Variants in LIMK1 observed in about 807,000 individuals in gnomAD.
LIMK1 encodes LIM motif-containing protein kinase.
In LIMK1, 21 loss-of-function variants were observed where a neutral mutation model predicts 77.6. The ratio of observed to expected loss-of-function variants is 0.27; its 90% CI spans 0.19 to 0.39. The LOEUF (loss-of-function observed/expected upper bound fraction) is 0.39. Ranked by LOEUF, LIMK1 falls within the 10% of genes least tolerant of loss-of-function variation. The pLI, the probability that LIMK1 is intolerant of heterozygous loss-of-function variation, is 1.00. For synonymous variants in LIMK1, 358 were observed against 370.0 expected (o/e 0.97, Z 0.37); for missense variants, 696 against 901.6 (o/e 0.77, Z 2.92).
At chr7:74,106,605 C>G (rs1326700431) in intron 7 of LIMK1, among the ~76,000 whole-genome samples, 1 of 152,052 alleles carries the variant, frequency 6.6e-6, no homozygotes, top group Admixed American at 6.6e-5. Context: ...ACTGAAAATA[C>G]AAAAATTAGC....
intron 5 of LIMK1, among the ~76,000 whole-genome samples, chr7:74,105,513 CAAAAAAA>C (rs201143839): frequency 5.3e-5 from 5 of 93,664 alleles, no homozygotes; most frequent in Admixed American, 1.2e-4. Flanking sequence ...ATTCTGTCTC[CAAAAAAA>C]AAAAAAAAAA....
At chr7:74,093,512 G>T (rs1175219673) in intron 2 of LIMK1, among the ~76,000 whole-genome samples, 1 of 152,192 alleles carries the variant, frequency 6.6e-6, no homozygotes, top group Non-Finnish European at 1.5e-5. Context: ...TCCACCTGCT[G>T]TTTCTTCACA....
chr7:74,084,042 G>C lies in LIMK1; in HGVS notation c.52G>C (p.Glu18Gln). The change falls in exon 1 of 16, where the codon GAA becomes CAA. Residue 18 changes from glutamate (E) to glutamine (Q), a missense_variant. Glu to Gln is a conservative substitution (Grantham distance 29, BLOSUM62 2). Transcript: ENST00000336180. ...CTWREERMGE[E>Q]GSELPVCASC... ...CTGGAGGGAAGAACGTATGGGAGAG[G>C]AAGGTGCGCGGGCCGCGGGGTGTGG... The C allele has an allele frequency of 6.7e-7, 1 of 1,494,998 alleles. No homozygotes were observed. The highest frequency in any genetic ancestry group is 9.0e-7 in the Non-Finnish European group (1 of 1,116,024). The allele number at this position is 1,494,998 out of a possible 1,614,324, so 92.6% of individuals were successfully genotyped here.
intron 1 of LIMK1, among the ~76,000 whole-genome samples, chr7:74,084,905 C>T (rs1584102532): frequency 1.3e-5 from 2 of 152,288 alleles, no homozygotes; most frequent in South Asian, 4.1e-4. Flanking sequence ...CCCATGAAAA[C>T]CTGATTGGGG....
At chr7:74,113,824 A>G (rs1223210003) in intron 12 of LIMK1, among the ~76,000 whole-genome samples, 1 of 151,976 alleles carries the variant, frequency 6.6e-6, no homozygotes, top group Non-Finnish European at 1.5e-5. Context: ...AGGCATGGTG[A>G]CATGGGCCTG....
intron 3 of LIMK1, 118 bp from the exon 4 acceptor site, chr7:74,096,962 C>T: frequency 9.8e-7 from 1 of 1,025,210 alleles, no homozygotes. Flanking sequence ...CAGCAGCTGG[C>T]CAGCCGGGTC....
intron 5 of LIMK1, among the ~76,000 whole-genome samples, chr7:74,101,918 G>A (rs1184443857): frequency 3.3e-5 from 5 of 151,988 alleles, no homozygotes; most frequent in Non-Finnish European, 1.5e-5. Context: ...TCAGATGCCT[G>A]TGCTCAAGCA....
chr7:74,098,721 G>A (rs1404374412), intron 4 of LIMK1, among the ~76,000 whole-genome samples: 4 of 70,710 alleles, frequency 5.7e-5, no homozygotes, highest in East Asian at 5.8e-4. Flanking sequence ...GTGCGTGCCC[G>A]TAATCCCAGC....
intron 4 of LIMK1, among the ~76,000 whole-genome samples, chr7:74,098,248 G>C (rs1218515070): frequency 6.6e-6 from 1 of 152,146 alleles, no homozygotes; most frequent in Non-Finnish European, 1.5e-5. Context: ...CTCAGGAATA[G>C]TCTGAGGGGC....
chr7:74,121,459 C>A lies in LIMK1; in HGVS notation c.*158C>A. On this transcript the variant is annotated 3_prime_UTR_variant, in exon 16 of 16. Coordinates refer to ENST00000336180, the MANE Select transcript of LIMK1 (RefSeq NM_002314.4). ...TTCTCCCACCCCGTGGACCGCTTCC[C>A]CTGCCTTCTCTCTGCCGTGGCCCAG... The A allele has an allele frequency of 1.4e-6, 1 of 711,652 alleles. No homozygotes were observed. Among genetic ancestry groups the A allele is most frequent in the Non-Finnish European group, 2.3e-6 (1 of 443,944 alleles). 44.1% of individuals were successfully genotyped at this position (711,652 alleles called of 1,614,324 possible).
intron 5 of LIMK1, among the ~76,000 whole-genome samples, chr7:74,105,285 G>T (rs541989827): frequency 6.6e-6 from 1 of 152,088 alleles, no homozygotes; most frequent in Admixed American, 6.6e-5. Flanking sequence ...TAAGGCGGGC[G>T]GATTGCATGA....
intron 2 of LIMK1, among the ~76,000 whole-genome samples, chr7:74,089,306 T>G (rs1486368345): frequency 6.6e-6 from 1 of 151,988 alleles, no homozygotes; most frequent in Admixed American, 6.6e-5. Flanking sequence ...CCCAGGAGTT[T>G]GAGACCAGTG....
intron 2 of LIMK1, among the ~76,000 whole-genome samples, chr7:74,095,664 C>G (rs1404872895): frequency 6.6e-6 from 1 of 152,182 alleles, no homozygotes; most frequent in Non-Finnish European, 1.5e-5. Context: ...CCTTCGCCTC[C>G]TGAAGTGCTG....
intron 2 of LIMK1, among the ~76,000 whole-genome samples, chr7:74,095,968 C>CTTTTTCTTTTTT (rs1350263536): frequency 7.9e-6 from 1 of 127,232 alleles, no homozygotes; most frequent in East Asian, 2.2e-4. Flanking sequence ...TTTTCTTTTT[C>CTTTTTCTTTTTT]TTTTTTTTTT....
chr7:74,098,884 T>C (rs1799390267), intron 4 of LIMK1, 148 bp from the exon 5 acceptor site: 1 of 653,154 alleles, frequency 1.5e-6, no homozygotes. Context: ...GGGTGCAGTG[T>C]TGTAATCAAC....
chr7:74,106,920 G>A, intron 7 of LIMK1, 90 bp from the exon 8 acceptor site: 1 of 1,267,236 alleles, frequency 7.9e-7, no homozygotes, highest in Non-Finnish European at 1.1e-6. Flanking sequence ...GGCATGGACA[G>A]GGGCATGCAG....
chr7:74,117,476 G>A (rs552167471), intron 13 of LIMK1, among the ~76,000 whole-genome samples: 2 of 152,210 alleles, frequency 1.3e-5, no homozygotes, highest in East Asian at 3.9e-4. Context: ...CATCTTTGGG[G>A]ATCATAGTTC....
chr7:74,106,699 GCAGTGAGCCAAGGT>G (rs1799581180), intron 7 of LIMK1, among the ~76,000 whole-genome samples: 1 of 152,208 alleles, frequency 6.6e-6, no homozygotes, highest in Non-Finnish European at 1.5e-5. Flanking sequence ...GATGGAGGTT[GCAGTGAGCCAAGGT>G]CACGCCACTA....
chr7:74,085,125 G>A (rs2115604311), intron 1 of LIMK1, among the ~76,000 whole-genome samples: 1 of 152,344 alleles, frequency 6.6e-6, no homozygotes, highest in South Asian at 2.1e-4. Context: ...CCCCAAGGAT[G>A]ACTAAGCATG....
Sources: gnomAD v4.1 joint callset for allele counts (sites outside exome capture counted in the v4.1 genomes callset) on GRCh38, gnomAD v4.1.1 for gene constraint, MANE v1.5 for transcripts, NCBI Gene and HGNC (gene_info 2026-07-23, HGNC 2026-07-21) for gene names.